ZNF366: variants seen among roughly 807,000 people sequenced by gnomAD.
ZNF366 encodes the protein dendritic cell-specific transcript protein.
In ZNF366, 20 loss-of-function variants were observed where a neutral mutation model predicts 47.2. The observed-to-expected ratio is 0.42, with a 90% confidence interval of 0.30 to 0.62. The LOEUF (loss-of-function observed/expected upper bound fraction) is 0.62, where lower values mean the gene tolerates loss of function less well. Ranked by LOEUF, ZNF366 falls within the 20% of genes least tolerant of loss-of-function variation. The pLI is 0.16. For synonymous variants in ZNF366, 421 were observed against 395.1 expected, an observed-to-expected ratio of 1.07 and a Z score of -0.78; for missense variants, 987 against 976.3, an observed-to-expected ratio of 1.01 and a Z score of -0.15.
At chr5:72,464,449 G>C (rs1743391690) in intron 1 of ZNF366, among the ~76,000 whole-genome samples, 1 of 151,834 alleles carries the variant, frequency 6.6e-6, no homozygotes, top group Non-Finnish European at 1.5e-5. Flanking sequence ...ATTAGGAGTT[G>C]TAATATACTC....
chr5:72,486,692 T>C (rs1428695603), intron 1 of ZNF366, among the ~76,000 whole-genome samples: 1 of 152,190 alleles, frequency 6.6e-6, no homozygotes, highest in Admixed American at 6.5e-5. Flanking sequence ...CTTCTTTAGC[T>C]CAGGAATCTG....
At chr5:72,466,995 G>A (rs1743442553) in intron 1 of ZNF366, among the ~76,000 whole-genome samples, 1 of 152,180 alleles carries the variant, frequency 6.6e-6, no homozygotes, top group Admixed American at 6.5e-5. Flanking sequence ...GGGCAGTCAT[G>A]GGTAGAAAGA....
intron 2 of ZNF366, among the ~76,000 whole-genome samples, chr5:72,459,850 C>T (rs1393939771): frequency 1.3e-5 from 2 of 152,242 alleles, no homozygotes; most frequent in African/African-American, 4.8e-5. Flanking sequence ...TTTCTAGAAA[C>T]CGAATCTGCA....
intron 1 of ZNF366, among the ~76,000 whole-genome samples, chr5:72,482,022 C>A (rs905826776): frequency 3.9e-5 from 6 of 152,068 alleles, no homozygotes; most frequent in African/African-American, 1.4e-4. Flanking sequence ...TCATATATTC[C>A]TTCTTACTGG....
chr5:72,452,241 C>T (rs1743088817), intron 3 of ZNF366, among the ~76,000 whole-genome samples: 1 of 152,188 alleles, frequency 6.6e-6, no homozygotes. Flanking sequence ...AAGGGTGTTC[C>T]TTTCCTCAAA....
At chr5:72,486,936 C>T (rs1330489627) in intron 1 of ZNF366, among the ~76,000 whole-genome samples, 4 of 152,082 alleles carry the variant, frequency 2.6e-5, no homozygotes, top group African/African-American at 9.7e-5. Flanking sequence ...TGCCACCACG[C>T]CTGGCTGCTT....
intron 3 of ZNF366, among the ~76,000 whole-genome samples, chr5:72,456,077 T>C (rs555372026): frequency 1.9e-4 from 29 of 152,164 alleles, no homozygotes; most frequent in Non-Finnish European, 4.0e-4. Context: ...GAACAAAGGC[T>C]CTCCACATTA....
In ZNF366 at chr5:72,461,187, T is replaced by C. The variant is rs1192799210; in HGVS notation, c.310A>G (p.Asn104Asp). The C allele has an allele frequency of 1.9e-6, 3 of 1,614,066 alleles. No homozygotes were observed. The East Asian group carries it at 6.7e-5, about 36-fold the overall frequency. Residue 104 changes from asparagine to aspartate, a missense_variant, in exon 2 of 5, where the codon AAC becomes GAC. Asn to Asp is a conservative substitution (Grantham distance 23). This residue lies in a region of ZNF366 where 591 missense variants were observed against 560.9 expected (regional missense o/e 1.05). Transcript: ENST00000318442. Reference sequence around the variant, plus strand: ...AGGTTGGGAAGGCCGTGGTTTTTGTTCTCCTCTGAGTGGAGGGCGAGGGTG... The same window carrying C: ...AGGTTGGGAAGGCCGTGGTTTTTGTCCTCCTCTGAGTGGAGGGCGAGGGTG... ...EVTLALHSEE[N>D]KNHGLPNLPL... is the part of the protein sequence containing the mutation.
chr5:72,456,293 C>T (rs1293349088), intron 3 of ZNF366, 111 bp downstream of exon 3: 1 of 1,268,112 alleles, frequency 7.9e-7, no homozygotes, highest in East Asian at 2.3e-5. Context: ...CACGGACCTA[C>T]TCTGAGCCCC....
chr5:72,482,180 C>T (rs1190320529), intron 1 of ZNF366, among the ~76,000 whole-genome samples: 1 of 152,140 alleles, frequency 6.6e-6, no homozygotes, highest in African/African-American at 2.4e-5. Flanking sequence ...AATCTGGACT[C>T]GGACTCATAA....
At chr5:72,448,169 A>G (rs1024709840) in intron 3 of ZNF366, among the ~76,000 whole-genome samples, 3 of 152,248 alleles carry the variant, frequency 2.0e-5, no homozygotes, top group Non-Finnish European at 4.4e-5. Context: ...CATGGATTTC[A>G]AAGATAAAAA....
Position 72,444,272 on chromosome 5 carries a change from GA to G in ZNF366, c.1718del (p.Ile573ThrfsTer10). The G allele has an allele frequency of 6.2e-7, 1 of 1,611,446 alleles. No individual in the cohort carries two copies. The highest frequency in any genetic ancestry group is 8.5e-7 in the Non-Finnish European group (1 of 1,178,774). On this transcript the variant is annotated frameshift_variant, in exon 5 of 5. Coordinates refer to ENST00000318442, the MANE Select transcript of ZNF366 (RefSeq NM_152625.3). LOFTEE classifies it low-confidence loss of function (END_TRUNC). ...LHSQGLGRGR[I>X]ALAQTAGVLR... The stretch of plus-strand genomic sequence containing the variant: ...GGACACCGGCTGTCTGTGCCAGGGC[GA>G]TTCTCCCCCTTCCCAGACCTGCAAG...
intron 1 of ZNF366, among the ~76,000 whole-genome samples, chr5:72,463,381 G>T (rs571690311): frequency 2.0e-5 from 3 of 152,282 alleles, no homozygotes; most frequent in Admixed American, 6.5e-5. Flanking sequence ...TTTAAAGCTG[G>T]ACAGATAACT....
At position 72,441,012 on chromosome 5, in the gene ZNF366, T is replaced by G. The variant is rs1742846749; in HGVS notation, c.*2744A>C. The G allele has an allele frequency of 6.6e-6, 1 of 152,202 alleles. No homozygotes were observed. The highest frequency in any genetic ancestry group is 1.5e-5 in the Non-Finnish European group (1 of 68,034). The allele number at this position is 152,202 out of a possible 1,614,324, so 9.4% of individuals were successfully genotyped here. On this transcript the variant is annotated 3_prime_UTR_variant, in exon 5 of 5. Transcript: ENST00000318442. ...ATAAATCAGATGGAACTTGAGCTGC[T>G]TGGAGTGAGGTGGGTGTGGGAGTTG...
chr5:72,443,005 A>G lies in ZNF366; in HGVS notation c.*751T>C, dbSNP rs1250695214. ...GCATGAGGCCTCAGAGCAAGACAGC[A>G]ATGGTCTCCAGGAGGGAGCCGTGCT... On this transcript the variant is annotated 3_prime_UTR_variant, in exon 5 of 5. Coordinates refer to ENST00000318442, the MANE Select transcript of ZNF366 (RefSeq NM_152625.3). 1 of 152,222 alleles carries G rather than the reference A, an allele frequency of 6.6e-6. No homozygotes were observed. The highest frequency in any genetic ancestry group is 1.5e-5 in the Non-Finnish European group (1 of 68,084). 9.4% of individuals were successfully genotyped at this position (152,222 alleles called of 1,614,324 possible).
At position 72,443,858 on chromosome 5, in the gene ZNF366, G is replaced by C. The variant is rs775054262; in HGVS notation, c.2133C>G (p.Gly711=). Residue 711 remains glycine, a synonymous_variant, in exon 5 of 5, where the codon GGC becomes GGG. Transcript: ENST00000318442. Reference sequence around the variant, plus strand: ...AGTATAAGTAATCAGAAAAAGAGGGGCCCCGCCGGGTACTCTGAAAAGCCC... The same window carrying C: ...AGTATAAGTAATCAGAAAAAGAGGGCCCCCGCCGGGTACTCTGAAAAGCCC... ...SLRAFQSTRR[G]PSFSDYLYFK... 3 of 1,614,128 alleles carry C rather than the reference G, an allele frequency of 1.9e-6. No homozygotes were observed. In the Admixed American group the frequency reaches 5.0e-5, roughly 27 times the overall value.
At chr5:72,500,456 ACT>A (rs1453068644) in intron 1 of ZNF366, among the ~76,000 whole-genome samples, 3 of 152,002 alleles carry the variant, frequency 2.0e-5, no homozygotes, top group Non-Finnish European at 2.9e-5. Flanking sequence ...GCCCCAGGTA[ACT>A]CTGATGATTG....
chr5:72,503,342 A>G (rs190985450), intron 1 of ZNF366, among the ~76,000 whole-genome samples: 208 of 152,316 alleles, frequency 1.4e-3, no homozygotes, highest in African/African-American at 4.6e-3. Flanking sequence ...TAGGAATTCC[A>G]TTTAAAAGCA....
intron 2 of ZNF366, among the ~76,000 whole-genome samples, chr5:72,459,324 G>A (rs1743254601): frequency 6.6e-6 from 1 of 152,144 alleles, no homozygotes; most frequent in Non-Finnish European, 1.5e-5. Flanking sequence ...AAGGGTGTGA[G>A]AGTGGGAGTC....
Sources: gnomAD v4.1 joint callset for allele counts (sites outside exome capture counted in the v4.1 genomes callset) on GRCh38, gnomAD v4.1.1 for gene constraint, gnomAD v4.1.1 regional missense constraint, MANE v1.5 for transcripts, NCBI Gene and HGNC (gene_info 2026-07-23, HGNC 2026-07-21) for gene names.